CNTNAP2: variants seen among roughly 807,000 people sequenced by gnomAD.
CNTNAP2 encodes contactin-associated protein-like 2.
In CNTNAP2, 98 loss-of-function variants were observed where a neutral mutation model predicts 155.2. That is an observed-to-expected ratio of 0.63 (90% CI 0.54 to 0.75). The LOEUF is 0.75. Among genes scored for constraint, CNTNAP2 ranks in the 30% least tolerant of loss-of-function variants. The pLI, the probability that CNTNAP2 is intolerant of heterozygous loss-of-function variation, is 0.00. For missense variants in CNTNAP2, 1,727 were observed against 1,688.1 expected (o/e 1.02, Z -0.40); for synonymous variants, 651 against 631.2 (o/e 1.03, Z -0.47).
intron 1 of CNTNAP2, among the ~76,000 whole-genome samples, chr7:146,515,440 C>T (rs1797526692): frequency 6.6e-6 from 1 of 151,958 alleles, no homozygotes. Context: ...TTGTTTGTGG[C>T]CCTATGGATT....
chr7:147,933,760 G>A (rs1411766290), intron 14 of CNTNAP2, among the ~76,000 whole-genome samples: 1 of 152,114 alleles, frequency 6.6e-6, no homozygotes, highest in African/African-American at 2.4e-5. Context: ...CTACTGGAGA[G>A]GCTGAGGTGG....
intron 13 of CNTNAP2, among the ~76,000 whole-genome samples, chr7:147,764,496 T>C (rs1525252): frequency 0.013 from 2,034 of 152,340 alleles, 104 homozygotes; most frequent in Admixed American, 0.09. Flanking sequence ...AGCTATGATA[T>C]GGCTCCCTCC....
At position 147,331,923 on chromosome 7, in the gene CNTNAP2, G is replaced by C. The variant is rs73471243; in HGVS notation, c.1498+31633G>C. 8.9e-3 allele frequency among the ~76,000 whole-genome samples: 1,352 copies of C among 152,198 alleles called. 25 individuals are homozygous for C. The highest frequency in any genetic ancestry group is 0.031 in the African/African-American group (1,299 of 41,522). On this transcript the variant is annotated intron_variant, in intron 9 of 23. Transcript: ENST00000361727. ...CAGTATCTCAGAAAGTTCCCCTATG[G>C]TCAGCTGGCTTTACTGTTCACAACA...
At chr7:148,368,648 C>T (rs879152696) in intron 21 of CNTNAP2, among the ~76,000 whole-genome samples, 5 of 152,134 alleles carry the variant, frequency 3.3e-5, no homozygotes, top group South Asian at 2.1e-4. Flanking sequence ...TTTATTCAGC[C>T]GGGAGCATCG....
chr7:146,526,531 A>G (rs1465168355), intron 1 of CNTNAP2, among the ~76,000 whole-genome samples: 1 of 152,142 alleles, frequency 6.6e-6, no homozygotes, highest in Non-Finnish European at 1.5e-5. Flanking sequence ...ACTCACTGTC[A>G]CAAGGACAGC....
chr7:146,399,436 G>T (rs531784262), intron 1 of CNTNAP2, among the ~76,000 whole-genome samples: 5 of 152,122 alleles, frequency 3.3e-5, no homozygotes, highest in African/African-American at 1.2e-4. Context: ...TTGTCTTTCT[G>T]TGCCGGACTT....
chr7:146,136,970 A>G (rs1000843089), intron 1 of CNTNAP2, among the ~76,000 whole-genome samples: 3 of 152,166 alleles, frequency 2.0e-5, no homozygotes, highest in African/African-American at 7.2e-5. Flanking sequence ...CTGCATGGCT[A>G]TTCCTCATGA....
intron 1 of CNTNAP2, among the ~76,000 whole-genome samples, chr7:146,352,855 C>G (rs185753640): frequency 1.1e-4 from 16 of 147,474 alleles, no homozygotes; most frequent in Non-Finnish European, 2.1e-4. Context: ...CCCGGGTTCA[C>G]GCCATTCTCC....
chr7:147,535,144 G>A (rs1203066321), intron 11 of CNTNAP2, among the ~76,000 whole-genome samples: 1 of 152,172 alleles, frequency 6.6e-6, no homozygotes, highest in Non-Finnish European at 1.5e-5. Context: ...TATAATCCCA[G>A]CACTTTGAGA....
At chr7:146,877,501 T>C (rs1462819059) in intron 3 of CNTNAP2, among the ~76,000 whole-genome samples, 4 of 151,680 alleles carry the variant, frequency 2.6e-5, no homozygotes, top group African/African-American at 9.7e-5. Context: ...CAAGAGCCTG[T>C]CTGTAAAATA....
chr7:148,400,834 G>A (rs1283072878), intron 22 of CNTNAP2, among the ~76,000 whole-genome samples: 1 of 152,050 alleles, frequency 6.6e-6, no homozygotes, highest in Non-Finnish European at 1.5e-5. Context: ...ACAAAAATTA[G>A]CCGGGCATGG....
At chr7:148,196,683 A>G in intron 18 of CNTNAP2, among the ~76,000 whole-genome samples, 1 of 152,254 alleles carries the variant, frequency 6.6e-6, no homozygotes, top group Non-Finnish European at 1.5e-5. Flanking sequence ...GCTTGCTCAA[A>G]GTGACCCATC....
chr7:148,163,635 T>A (rs1430299753), intron 17 of CNTNAP2, among the ~76,000 whole-genome samples: 2 of 152,144 alleles, frequency 1.3e-5, no homozygotes, highest in African/African-American at 2.4e-5. Context: ...AAAAAATCCA[T>A]CCTATTGATG....
intron 1 of CNTNAP2, among the ~76,000 whole-genome samples, chr7:146,190,862 C>G (rs1798692989): frequency 6.6e-6 from 1 of 152,034 alleles, no homozygotes; most frequent in South Asian, 2.1e-4. Flanking sequence ...TCATTAAGAA[C>G]ATGAAAAATG....
At chr7:146,913,656 T>A (rs1231708894) in intron 3 of CNTNAP2, among the ~76,000 whole-genome samples, 1 of 152,058 alleles carries the variant, frequency 6.6e-6, no homozygotes, top group Non-Finnish European at 1.5e-5. Flanking sequence ...TAATCCCATG[T>A]GTGAAGGCTC....
intron 15 of CNTNAP2, among the ~76,000 whole-genome samples, chr7:148,047,194 C>A (rs935414069): frequency 5.9e-5 from 9 of 152,192 alleles, no homozygotes; most frequent in Non-Finnish European, 1.3e-4. Context: ...AGGAGTATGA[C>A]CCATAAAATC....
intron 15 of CNTNAP2, among the ~76,000 whole-genome samples, chr7:147,982,509 C>A (rs1422242160): frequency 6.6e-6 from 1 of 152,104 alleles, no homozygotes; most frequent in African/African-American, 2.4e-5. Context: ...GAAGGAAAGG[C>A]AAGGCAGTAG....
chr7:146,771,479 A>G (rs1302579151), intron 1 of CNTNAP2, among the ~76,000 whole-genome samples: 1 of 152,194 alleles, frequency 6.6e-6, no homozygotes, highest in East Asian at 1.9e-4. Context: ...TCACAGCTAA[A>G]CAGAAGTAGA....
chr7:147,213,318 G>T (rs1171367100), intron 8 of CNTNAP2, among the ~76,000 whole-genome samples: 2 of 151,994 alleles, frequency 1.3e-5, no homozygotes, highest in Non-Finnish European at 2.9e-5. Context: ...CATTGGTGAG[G>T]GCCATCTTCT....
Sources: allele counts gnomAD v4.1 joint callset (sites outside exome capture counted in the v4.1 genomes callset), GRCh38; gene constraint gnomAD v4.1.1; transcripts MANE v1.5; gene names NCBI Gene and HGNC (gene_info 2026-07-23, HGNC 2026-07-21).